The following DYRK3 variants were observed in gnomAD, a reference collection of about 807,000 sequenced individuals.
DYRK3 encodes dual specificity tyrosine-phosphorylation-regulated kinase 3.
A neutral mutation model predicts 40.8 loss-of-function variants in DYRK3; 30 were observed. The observed-to-expected ratio is 0.74, with a 90% CI of 0.55 to 1.00. The LOEUF (loss-of-function observed/expected upper bound fraction) is 1.00, where lower values mean the gene tolerates loss of function less well. Among genes scored for constraint, DYRK3 ranks in the 50% least tolerant of loss-of-function variants. The probability of loss-of-function intolerance (pLI) is 0.00; values close to 1 mark genes in which losing one functional copy is unlikely to be tolerated. For synonymous variants in DYRK3, 272 were observed against 260.7 expected (o/e 1.04, Z -0.42); for missense variants, 699 against 731.5 (o/e 0.96, Z 0.51).
chr1:206,644,862 G>A (rs1486520132), intron 2 of DYRK3, among the ~76,000 whole-genome samples: 1 of 152,158 alleles, frequency 6.6e-6, no homozygotes, highest in Non-Finnish European at 1.5e-5. Flanking sequence ...CTATATGTGG[G>A]CCTGTTTATT....
chr1:206,641,095 A>G (rs1553419284), intron 2 of DYRK3, among the ~76,000 whole-genome samples: 1 of 151,746 alleles, frequency 6.6e-6, no homozygotes, highest in African/African-American at 2.4e-5. Flanking sequence ...TTTTTTTTCA[A>G]TAGGTTTTTG....
chr1:206,644,030 G>GTTTTTTTTTTTTTT (rs1558557214), intron 2 of DYRK3, among the ~76,000 whole-genome samples: 1 of 88,070 alleles, frequency 1.1e-5, no homozygotes, highest in African/African-American at 3.9e-5. Flanking sequence ...GGGACCTACA[G>GTTTTTTTTTTTTTT]CTTTTTTTTT....
chr1:206,643,805 CA>C (rs774373191), intron 2 of DYRK3, among the ~76,000 whole-genome samples: 58 of 151,980 alleles, frequency 3.8e-4, no homozygotes, highest in Non-Finnish European at 7.5e-4. Flanking sequence ...AAGCCGCCAG[CA>C]AGAGAAGAGA....
In DYRK3 at chr1:206,654,494, C is replaced by T. The variant is rs1419626745; in HGVS notation, c.*5529C>T. On this transcript the variant is annotated 3_prime_UTR_variant, in exon 3 of 3. Coordinates refer to ENST00000367109, the MANE Select transcript of DYRK3 (RefSeq NM_003582.4). ...TTCTCTTCTGCCAGGGATTAGCCTC[C>T]TAGTTTTAAATATATTTTTAATATC... Among the ~76,000 whole-genome samples the T allele has an allele frequency of 1.3e-5, 2 of 152,304 alleles. No individual in the cohort carries two copies. Among genetic ancestry groups the T allele is most frequent in the South Asian group, 4.1e-4 (2 of 4,826 alleles).
chr1:206,648,426 C>A lies in DYRK3; in HGVS notation c.1228C>A (p.Pro410Thr), dbSNP rs1395737960. Residue 410 changes from proline to threonine, a missense_variant, in exon 3 of 3, where the codon CCT becomes ACT. Pro to Thr is a conservative substitution (Grantham distance 38, BLOSUM62 -1). Coordinates refer to ENST00000367109, the MANE Select transcript of DYRK3 (RefSeq NM_003582.4). ...AELLTGQPLF[P>T]GEDEGDQLAC... ...ACTTTTAACAGGACAGCCTCTCTTC[C>A]CTGGAGAGGATGAAGGAGACCAGTT... 6.2e-7 allele frequency: 1 copy of A among 1,614,142 alleles called. No homozygotes were observed. Among genetic ancestry groups the A allele is most frequent in the African/African-American group, 1.3e-5 (1 of 75,020 alleles).
chr1:206,635,973 G>A, intron 1 of DYRK3, 193 bp downstream of exon 1: 1 of 1,337,260 alleles, frequency 7.5e-7, no homozygotes, highest in South Asian at 2.0e-5. Flanking sequence ...CTGTCTCACC[G>A]GGCGCGGGGG....
At chr1:206,638,749 T>A (rs1329172466) in intron 2 of DYRK3, among the ~76,000 whole-genome samples, 2 of 152,140 alleles carry the variant, frequency 1.3e-5, no homozygotes, top group African/African-American at 4.8e-5. Context: ...ATTGACTCAT[T>A]TGTAATATTT....
Position 206,653,773 on chromosome 1 carries a change from G to C in DYRK3, c.*4808G>C, listed in dbSNP as rs895308919. ...CTTCTGCCCCACAGGGGCTCTGAAAGAGTCTAGCCTGGATCTTCTTTCCCA... is the reference window on the plus strand; with the variant it reads ...CTTCTGCCCCACAGGGGCTCTGAAACAGTCTAGCCTGGATCTTCTTTCCCA... On this transcript the variant is annotated 3_prime_UTR_variant, in exon 3 of 3. Transcript: ENST00000367109. 3.3e-5 allele frequency among the ~76,000 whole-genome samples: 5 copies of C among 152,196 alleles called. No homozygotes were observed. Among genetic ancestry groups the C allele is most frequent in the African/African-American group, 9.6e-5 (4 of 41,456 alleles).
At position 206,648,351 on chromosome 1, in the gene DYRK3, C is replaced by T. The variant is rs782193918; in HGVS notation, c.1153C>T (p.Arg385Cys). ...AGCTCCAGAAATCATCTTAGGAAGC[C>T]GCTACAGCACACCAATTGACATATG... ...YRAPEIILGSRYSTPIDIWSF... is the reference protein window; with the variant it reads ...YRAPEIILGSCYSTPIDIWSF... The change falls in exon 3 of 3, where the codon CGC becomes TGC. Residue 385 changes from arginine to cysteine, a missense_variant. By Grantham distance (180) the Arg-to-Cys change is radical. Transcript: ENST00000367109. The T allele has an allele frequency of 2.4e-5, 38 of 1,613,970 alleles. No individual in the cohort carries two copies. Among genetic ancestry groups the T allele is most frequent in the South Asian group, 2.3e-4 (21 of 91,078 alleles).
Position 206,653,815 on chromosome 1 carries a change from T to C in DYRK3, c.*4850T>C, listed in dbSNP as rs572748667. On this transcript the variant is annotated 3_prime_UTR_variant, in exon 3 of 3. Coordinates refer to ENST00000367109, the MANE Select transcript of DYRK3 (RefSeq NM_003582.4). ...TCTTTCCCAGAGGAAGTTTGACTTA[T>C]GACCATATTAGTATGCTTTATTCCT... 1.2e-4 allele frequency among the ~76,000 whole-genome samples: 18 copies of C among 152,380 alleles called. No homozygotes were observed. Among genetic ancestry groups the C allele is most frequent in the African/African-American group, 3.4e-4 (14 of 41,592 alleles).
chr1:206,652,834 C>G lies in DYRK3; in HGVS notation c.*3869C>G, dbSNP rs561720762. ...TTGGATCAGAGTTAGTACAGAAATTCAGACTGTCTCTTCCTCAGTTACTGG... is the reference window on the plus strand; with the variant it reads ...TTGGATCAGAGTTAGTACAGAAATTGAGACTGTCTCTTCCTCAGTTACTGG... On this transcript the variant is annotated 3_prime_UTR_variant, in exon 3 of 3. Coordinates refer to ENST00000367109, the MANE Select transcript of DYRK3 (RefSeq NM_003582.4). Among the ~76,000 whole-genome samples, 3 of 152,320 alleles carry G rather than the reference C, an allele frequency of 2.0e-5. No homozygotes were observed. Among genetic ancestry groups the G allele is most frequent in the Admixed American group, 2.0e-4 (3 of 15,306 alleles).
At position 206,648,426 on chromosome 1, in the gene DYRK3, C is replaced by T. The variant is rs1395737960; in HGVS notation, c.1228C>T (p.Pro410Ser). ...AELLTGQPLF[P>S]GEDEGDQLAC... ...ACTTTTAACAGGACAGCCTCTCTTC[C>T]CTGGAGAGGATGAAGGAGACCAGTT... Residue 410 changes from proline (P) to serine (S), a missense_variant, in exon 3 of 3, where the codon CCT becomes TCT. Coordinates refer to ENST00000367109, the MANE Select transcript of DYRK3 (RefSeq NM_003582.4). 2 of 1,614,024 alleles carry T rather than the reference C, an allele frequency of 1.2e-6. No individual in the cohort carries two copies. Among genetic ancestry groups the T allele is most frequent in the Non-Finnish European group, 1.7e-6 (2 of 1,180,030 alleles).
At chr1:206,637,071 T>A in intron 1 of DYRK3, 1 of 828,664 alleles carries the variant, frequency 1.2e-6, no homozygotes, top group Non-Finnish European at 2.0e-6. Context: ...GGTAAGTAAG[T>A]AAATGAATAA....
chr1:206,648,732 A>T lies in DYRK3; in HGVS notation c.1534A>T (p.Thr512Ser). 1 of 1,613,908 alleles carries T rather than the reference A, an allele frequency of 6.2e-7. No individual in the cohort carries two copies. Among genetic ancestry groups the T allele is most frequent in the Admixed American group, 1.7e-5 (1 of 59,992 alleles). ...CLHWDPSARLTPAQALRHPWI... is the reference protein window; with the variant it reads ...CLHWDPSARLSPAQALRHPWI... ...TCACTGGGACCCCTCTGCCCGCTTG[A>T]CCCCAGCTCAAGCATTAAGACACCC... The change falls in exon 3 of 3, where the codon ACC becomes TCC. Residue 512 changes from threonine (T) to serine (S), a missense_variant. Coordinates refer to ENST00000367109, the MANE Select transcript of DYRK3 (RefSeq NM_003582.4).
chr1:206,641,478 C>A (rs1408427135), intron 2 of DYRK3, among the ~76,000 whole-genome samples: 3 of 149,898 alleles, frequency 2.0e-5, no homozygotes, highest in African/African-American at 7.5e-5. Context: ...TCTTTATCTA[C>A]TCCTTGATTG....
Position 206,639,703 on chromosome 1 carries a change from A to G in DYRK3, c.189+1942A>G, listed in dbSNP as rs1345623152. Among the ~76,000 whole-genome samples the G allele has an allele frequency of 2.6e-5, 4 of 151,568 alleles. No individual in the cohort carries two copies. In the East Asian group the frequency reaches 7.8e-4, roughly 30 times the overall value. ...TTTTGAACTCCTGACCTTGTGATGCACCCACCTCAGCTCCCCAAAGTGCTG... is the reference window on the plus strand; with the variant it reads ...TTTTGAACTCCTGACCTTGTGATGCGCCCACCTCAGCTCCCCAAAGTGCTG... On this transcript the variant is annotated intron_variant, in intron 2 of 2. Coordinates refer to ENST00000367109, the MANE Select transcript of DYRK3 (RefSeq NM_003582.4).
chr1:206,641,109 A>G (rs1180587293), intron 2 of DYRK3, among the ~76,000 whole-genome samples: 1 of 151,156 alleles, frequency 6.6e-6, no homozygotes, highest in Non-Finnish European at 1.5e-5. Flanking sequence ...GTTTTTGGGG[A>G]ACAGGTGGTG....
chr1:206,644,642 C>T (rs2102338633), intron 2 of DYRK3, among the ~76,000 whole-genome samples: 1 of 152,306 alleles, frequency 6.6e-6, no homozygotes, highest in East Asian at 1.9e-4. Flanking sequence ...CCAGTTCAAG[C>T]AATTCTCCTG....
At position 206,648,626 on chromosome 1, in the gene DYRK3, TC is replaced by T. The variant is rs1553420796; in HGVS notation, c.1433del (p.Pro478GlnfsTer10). The T allele has an allele frequency of 6.2e-7, 1 of 1,611,632 alleles. No homozygotes were observed. The highest frequency in any genetic ancestry group is 1.7e-5 in the Admixed American group (1 of 59,742). On this transcript the variant is annotated frameshift_variant, in exon 3 of 3. Transcript: ENST00000367109. LOFTEE classifies it high-confidence loss of function. ...GRSRRGKKRG[P>X]PGSKDWGTAL... ...GCTCACGTAGGGGTAAAAAGCGGGGTCCCCCAGGCAGCAAAGACTGGGGGAC... is the reference window on the plus strand; with the variant it reads ...GCTCACGTAGGGGTAAAAAGCGGGGTCCCCAGGCAGCAAAGACTGGGGGAC...
Sources: gnomAD v4.1 joint callset for allele counts (sites outside exome capture counted in the v4.1 genomes callset) on GRCh38, gnomAD v4.1.1 for gene constraint, MANE v1.5 for transcripts, NCBI Gene and HGNC (gene_info 2026-07-23, HGNC 2026-07-21) for gene names.